Variants in GSE1 observed in about 807,000 individuals in gnomAD.
GSE1 encodes genetic suppressor element 1.
GSE1 carries 32 observed loss-of-function variants against 112.6 expected under a neutral mutation model. The observed-to-expected ratio is 0.28, with a 90% CI of 0.21 to 0.38. The LOEUF (loss-of-function observed/expected upper bound fraction) is 0.38. Among genes scored for constraint, GSE1 ranks in the 10% least tolerant of loss-of-function variants. The pLI, the probability that GSE1 is intolerant of heterozygous loss-of-function variation, is 1.00. For missense variants in GSE1, 2,348 were observed against 1,699.2 expected, an observed-to-expected ratio of 1.38 and a Z score of -6.71; for synonymous variants, 1,115 against 735.6, an observed-to-expected ratio of 1.52 and a Z score of -8.35.
At chr16:85,430,404 C>T (rs749415308) in intron 2 of GSE1, among the ~76,000 whole-genome samples, 1 of 152,192 alleles carries the variant, frequency 6.6e-6, no homozygotes, top group Non-Finnish European at 1.5e-5. Flanking sequence ...AGAGGTTCAG[C>T]AACTTGCCTA....
chr16:85,267,492 T>C (rs776794746), intron 1 of GSE1, among the ~76,000 whole-genome samples: 10 of 152,042 alleles, frequency 6.6e-5, no homozygotes, highest in Admixed American at 5.9e-4. Flanking sequence ...GGTGCCTATG[T>C]GCGCACGCAT....
intron 1 of GSE1, among the ~76,000 whole-genome samples, chr16:85,603,412 A>T (rs2047553186): frequency 6.6e-6 from 1 of 152,156 alleles, no homozygotes; most frequent in Non-Finnish European, 1.5e-5. Flanking sequence ...TTTCCAGGGG[A>T]TGCTTCTCTT....
In GSE1 at chr16:85,661,539, C is replaced by G. The variant is rs1329117904; in HGVS notation, c.2034C>G (p.Leu678=). Reference sequence around the variant, plus strand: ...GGCCCGGGCCCTTCCTGGCTGAGCTCGAGAAGTCCACCCAGACCATCCTGG... The same window carrying G: ...GGCCCGGGCCCTTCCTGGCTGAGCTGGAGAAGTCCACCCAGACCATCCTGG... ...LPGPGPFLAE[L]EKSTQTILGQ... Residue 678 remains leucine, a synonymous_variant, in exon 9 of 16, where the codon CTC becomes CTG. Transcript: ENST00000253458. The G allele has an allele frequency of 3.1e-6, 5 of 1,611,870 alleles. No homozygotes were observed. The highest frequency in any genetic ancestry group is 1.6e-4 in the Middle Eastern group (1 of 6,080).
At chr16:85,264,580 A>C (rs1446046671) in intron 1 of GSE1, among the ~76,000 whole-genome samples, 1 of 152,154 alleles carries the variant, frequency 6.6e-6, no homozygotes, top group Non-Finnish European at 1.5e-5. Context: ...CCCAGGGACG[A>C]GAGGAAGGGG....
At chr16:85,263,627 C>T (rs1032850497) in intron 1 of GSE1, among the ~76,000 whole-genome samples, 2 of 151,196 alleles carry the variant, frequency 1.3e-5, no homozygotes, top group African/African-American at 4.9e-5. Flanking sequence ...GGCTGGAGTG[C>T]AATGGAGTGA....
upstream of GSE1, chr16:85,555,866 A>AT (rs2045182900): frequency 4.5e-6 from 3 of 668,796 alleles, no homozygotes; most frequent in African/African-American, 2.5e-5. Context: ...GAAGATCTTA[A>AT]CCCCCCAATT....
intron 2 of GSE1, among the ~76,000 whole-genome samples, chr16:85,468,252 C>T (rs1597846283): frequency 6.6e-6 from 1 of 151,806 alleles, no homozygotes; most frequent in African/African-American, 2.4e-5. Context: ...CTCTCAGAGC[C>T]TCAGCCTCCC....
At chr16:85,440,665 C>T (rs1395671996) in intron 2 of GSE1, among the ~76,000 whole-genome samples, 1 of 152,222 alleles carries the variant, frequency 6.6e-6, no homozygotes, top group Non-Finnish European at 1.5e-5. Flanking sequence ...GGTCTCATTC[C>T]CTGCAGCTTT....
intron 1 of GSE1, among the ~76,000 whole-genome samples, chr16:85,242,124 C>G (rs1905216819): frequency 1.3e-5 from 2 of 152,186 alleles, no homozygotes; most frequent in South Asian, 2.1e-4. Context: ...ATTACAGATT[C>G]ACTGCCCATC....
chr16:85,547,761 A>G (rs1255062675), intron 2 of GSE1, among the ~76,000 whole-genome samples: 1 of 151,622 alleles, frequency 6.6e-6, no homozygotes, highest in Non-Finnish European at 1.5e-5. Flanking sequence ...TGTGCCTGTA[A>G]TCAGCTACTT....
intron 2 of GSE1, among the ~76,000 whole-genome samples, chr16:85,428,197 C>T (rs2049035814): frequency 6.6e-6 from 1 of 152,228 alleles, no homozygotes; most frequent in Non-Finnish European, 1.5e-5. Context: ...GGGCTGGCCC[C>T]TCATTAGCAG....
chr16:85,637,098 C>T (rs1223371778), intron 2 of GSE1, among the ~76,000 whole-genome samples: 1 of 152,250 alleles, frequency 6.6e-6, no homozygotes, highest in Non-Finnish European at 1.5e-5. Context: ...GATTTTCCTA[C>T]ACAGTTGTGT....
intron 1 of GSE1, among the ~76,000 whole-genome samples, chr16:85,266,330 G>A (rs1335034380): frequency 6.6e-6 from 1 of 152,150 alleles, no homozygotes; most frequent in Non-Finnish European, 1.5e-5. Flanking sequence ...CCCGAGGAGT[G>A]AATTCCCTCC....
At chr16:85,460,036 G>C (rs958116196) in intron 2 of GSE1, among the ~76,000 whole-genome samples, 3 of 152,272 alleles carry the variant, frequency 2.0e-5, no homozygotes, top group Middle Eastern at 6.8e-3. Flanking sequence ...TGAGCCCCCA[G>C]GGCCCCGCAG....
chr16:85,238,176 G>A (rs1052436135), intron 1 of GSE1, among the ~76,000 whole-genome samples: 5 of 152,130 alleles, frequency 3.3e-5, no homozygotes, highest in African/African-American at 7.2e-5. Context: ...GGGAGGTGGC[G>A]TCCTGCTATT....
chr16:85,265,227 A>G (rs1198183091), intron 1 of GSE1, among the ~76,000 whole-genome samples: 1 of 152,218 alleles, frequency 6.6e-6, no homozygotes, highest in African/African-American at 2.4e-5. Flanking sequence ...GAGTGTGGAC[A>G]GGACGCTGAG....
intron 1 of GSE1, among the ~76,000 whole-genome samples, chr16:85,234,476 C>T (rs1904391527): frequency 6.6e-6 from 1 of 152,196 alleles, no homozygotes; most frequent in African/African-American, 2.4e-5. Flanking sequence ...CTATTCTCTG[C>T]CCTGGAGACG....
At chr16:85,475,857 C>A (rs1235061583) in intron 2 of GSE1, among the ~76,000 whole-genome samples, 1 of 150,418 alleles carries the variant, frequency 6.6e-6, no homozygotes, top group East Asian at 2.0e-4. Context: ...CTCCTGGGCT[C>A]AAGTGATCGT....
At chr16:85,388,328 ATGAATGGATGTATGGC>A (rs1309191770) in intron 2 of GSE1, among the ~76,000 whole-genome samples, 14 of 64,914 alleles carry the variant, frequency 2.2e-4, no homozygotes, top group East Asian at 6.5e-4. Context: ...GGATGGATGG[ATGAATGGATGTATGGC>A]TGGATGGATG....
Sources: gnomAD v4.1 joint callset for allele counts (sites outside exome capture counted in the v4.1 genomes callset) on GRCh38, gnomAD v4.1.1 for gene constraint, MANE v1.5 for transcripts, NCBI Gene and HGNC (gene_info 2026-07-23, HGNC 2026-07-21) for gene names.